The following ACBD6 variants were observed in gnomAD, a reference collection of about 807,000 sequenced individuals.
The protein encoded by ACBD6 is acyl-CoA-binding domain-containing protein 6.
In ACBD6, 28 loss-of-function variants were observed where a neutral mutation model predicts 37.2. The observed-to-expected ratio is 0.75, with a 90% confidence interval of 0.56 to 1.03. ACBD6 has a LOEUF of 1.03. Ranked by LOEUF, ACBD6 falls within the 50% of genes least tolerant of loss-of-function variation. The pLI is 0.00. For synonymous variants in ACBD6, 113 were observed against 126.8 expected (o/e 0.89, Z 0.73); for missense variants, 340 against 337.4 (o/e 1.01, Z -0.06).
At chr1:180,329,391 A>T (rs1372789409) in intron 6 of ACBD6, among the ~76,000 whole-genome samples, 1 of 152,052 alleles carries the variant, frequency 6.6e-6, no homozygotes, top group African/African-American at 2.4e-5. Flanking sequence ...CTTTATTATT[A>T]TCAGTGTACC....
intron 4 of ACBD6, among the ~76,000 whole-genome samples, chr1:180,425,039 G>T (rs1571493832): frequency 6.6e-6 from 1 of 152,110 alleles, no homozygotes; most frequent in East Asian, 1.9e-4. Context: ...TCATTCCTGA[G>T]GTTCTCATGG....
chr1:180,489,251 T>C (rs557159236), intron 3 of ACBD6, among the ~76,000 whole-genome samples: 2 of 151,984 alleles, frequency 1.3e-5, no homozygotes, highest in African/African-American at 4.8e-5. Flanking sequence ...AGAAAATTAT[T>C]ATTTAACCTA....
At chr1:180,381,115 A>G (rs1653630650) in intron 6 of ACBD6, among the ~76,000 whole-genome samples, 1 of 152,212 alleles carries the variant, frequency 6.6e-6, no homozygotes, top group Admixed American at 6.5e-5. Context: ...CAGTAAAAAG[A>G]GACAATGAAG....
At chr1:180,323,063 C>T (rs1571358945) in intron 6 of ACBD6, among the ~76,000 whole-genome samples, 1 of 151,778 alleles carries the variant, frequency 6.6e-6, no homozygotes, top group East Asian at 1.9e-4. Context: ...TCGTTTTCAC[C>T]ATTGTTAAAG....
At chr1:180,434,775 T>C in intron 3 of ACBD6, 1 of 653,390 alleles carries the variant, frequency 1.5e-6, no homozygotes, top group Non-Finnish European at 2.9e-6. Context: ...CAACCGAGCC[T>C]GCTGCCAATG....
intron 6 of ACBD6, among the ~76,000 whole-genome samples, chr1:180,360,510 A>G (rs190489664): frequency 5.4e-4 from 82 of 152,292 alleles, no homozygotes; most frequent in Admixed American, 1.8e-3. Context: ...CTCAGGCTCC[A>G]CCAGAGACCT....
At chr1:180,345,166 C>T (rs531320058) in intron 6 of ACBD6, among the ~76,000 whole-genome samples, 31 of 152,276 alleles carry the variant, frequency 2.0e-4, no homozygotes, top group South Asian at 6.2e-4. Flanking sequence ...GGGTGTCTTG[C>T]TTATTGCATA....
intron 1 of ACBD6, among the ~76,000 whole-genome samples, chr1:180,498,648 G>C (rs1445242129): frequency 6.6e-6 from 1 of 152,072 alleles, no homozygotes; most frequent in African/African-American, 2.4e-5. Flanking sequence ...GAGATCAGGA[G>C]ACCAGCCTGG....
intron 6 of ACBD6, among the ~76,000 whole-genome samples, chr1:180,351,344 C>A (rs956661381): frequency 6.6e-6 from 1 of 151,492 alleles, no homozygotes; most frequent in East Asian, 1.9e-4. Context: ...GGCACAATCC[C>A]GGCTCACTGC....
At chr1:180,445,415 A>C (rs1649436357) in intron 3 of ACBD6, among the ~76,000 whole-genome samples, 1 of 152,232 alleles carries the variant, frequency 6.6e-6, no homozygotes, top group Non-Finnish European at 1.5e-5. Context: ...ACTAATACTT[A>C]AGGAATATTT....
chr1:180,301,418 GTCT>G (rs1487538264), intron 7 of ACBD6, among the ~76,000 whole-genome samples: 2 of 151,536 alleles, frequency 1.3e-5, no homozygotes, highest in African/African-American at 4.8e-5. Flanking sequence ...TATGTTATAT[GTCT>G]TCTTAACAAT....
intron 9 of ACBD6, chr1:180,275,619 G>C (rs1648980043): frequency 6.6e-6 from 1 of 152,218 alleles, no homozygotes; most frequent in Non-Finnish European, 1.5e-5. Flanking sequence ...AGCTTTCTCT[G>C]CTGTCCTAGC....
chr1:180,347,441 T>C (rs952587566), intron 6 of ACBD6, among the ~76,000 whole-genome samples: 1 of 145,056 alleles, frequency 6.9e-6, no homozygotes, highest in African/African-American at 2.5e-5. Context: ...CTTGGCTCAC[T>C]GCAGCCTCCC....
At chr1:180,307,550 G>C (rs1650430092) in intron 7 of ACBD6, among the ~76,000 whole-genome samples, 1 of 152,146 alleles carries the variant, frequency 6.6e-6, no homozygotes. Flanking sequence ...ATGCTTGAGG[G>C]AATGGACACC....
intron 3 of ACBD6, among the ~76,000 whole-genome samples, chr1:180,477,288 C>T (rs1029097155): frequency 2.0e-5 from 3 of 152,080 alleles, no homozygotes; most frequent in Admixed American, 2.0e-4. Context: ...AACTATAGAT[C>T]AGGGAGGACT....
intron 6 of ACBD6, among the ~76,000 whole-genome samples, chr1:180,316,338 A>G (rs72714807): frequency 0.23 from 34,709 of 150,040 alleles, 4,009 homozygotes; most frequent in Middle Eastern, 0.33. Context: ...GTGAGTGCGC[A>G]CACACACACA....
intron 6 of ACBD6, among the ~76,000 whole-genome samples, chr1:180,370,896 A>G (rs1010099128): frequency 1.3e-5 from 2 of 152,066 alleles, no homozygotes; most frequent in African/African-American, 4.8e-5. Flanking sequence ...CTTATGGAAA[A>G]CATGTGGGTT....
chr1:180,329,850 G>A (rs764605095), intron 6 of ACBD6, among the ~76,000 whole-genome samples: 6 of 152,134 alleles, frequency 3.9e-5, no homozygotes, highest in African/African-American at 9.7e-5. Context: ...CTTTGGACAA[G>A]TTAGAAGTAA....
At chr1:180,394,826 T>G (rs183477394) in intron 6 of ACBD6, among the ~76,000 whole-genome samples, 2 of 152,206 alleles carry the variant, frequency 1.3e-5, no homozygotes, top group East Asian at 3.9e-4. Flanking sequence ...CATATATCAA[T>G]TATAGATGAG....
Sources: gnomAD v4.1 joint callset for allele counts (sites outside exome capture counted in the v4.1 genomes callset) on GRCh38, gnomAD v4.1.1 for gene constraint, MANE v1.5 for transcripts, NCBI Gene and HGNC (gene_info 2026-07-23, HGNC 2026-07-21) for gene names.